Variants in CTNNA3 observed in about 807,000 individuals in gnomAD.
The protein encoded by CTNNA3 is catenin alpha-3.
In CTNNA3, 76 loss-of-function variants were observed where a neutral mutation model predicts 95.7. That is an observed-to-expected ratio of 0.79 (90% CI 0.66 to 0.96). CTNNA3 has a LOEUF of 0.96. Ranked by LOEUF, CTNNA3 falls within the 40% of genes least tolerant of loss-of-function variation. The pLI is 0.00. For synonymous variants in CTNNA3, 431 were observed against 374.4 expected (o/e 1.15, Z -1.74); for missense variants, 1,191 against 1,089.8 (o/e 1.09, Z -1.31).
intron 10 of CTNNA3, among the ~76,000 whole-genome samples, chr10:66,581,878 AATTTTTCTAGCACCCTTT>A (rs1322682301): frequency 6.6e-6 from 1 of 151,694 alleles, no homozygotes; most frequent in African/African-American, 2.4e-5. Flanking sequence ...GTGACTATGC[AATTTTTCTAGCACCCTTT>A]ATTGAACAGA....
At chr10:67,702,271 C>T (rs543039129) in intron 1 of CTNNA3, among the ~76,000 whole-genome samples, 2 of 151,890 alleles carry the variant, frequency 1.3e-5, no homozygotes, top group African/African-American at 2.4e-5. Flanking sequence ...CTGCACCAAG[C>T]GGACCTAATA....
At chr10:66,801,704 C>A (rs1396001096) in intron 7 of CTNNA3, among the ~76,000 whole-genome samples, 1 of 151,434 alleles carries the variant, frequency 6.6e-6, no homozygotes. Flanking sequence ...GGATTCATTA[C>A]AATCACAATT....
intron 10 of CTNNA3, among the ~76,000 whole-genome samples, chr10:66,594,370 T>G (rs1156746037): frequency 1.3e-5 from 2 of 152,286 alleles, no homozygotes; most frequent in East Asian, 3.9e-4. Context: ...TCTTGTACCC[T>G]TATAATCCAT....
chr10:66,340,650 A>G (rs963718273), intron 12 of CTNNA3, among the ~76,000 whole-genome samples: 1 of 151,802 alleles, frequency 6.6e-6, no homozygotes. Context: ...ATTTCAATAC[A>G]TGAAATATTA....
intron 12 of CTNNA3, among the ~76,000 whole-genome samples, chr10:66,346,364 C>T (rs934409203): frequency 2.7e-5 from 4 of 150,852 alleles, no homozygotes; most frequent in South Asian, 2.1e-4. Context: ...CTGCAACCCA[C>T]GCCTCCTGAG....
chr10:67,533,337 AG>A, intron 4 of CTNNA3, among the ~76,000 whole-genome samples: 1 of 151,986 alleles, frequency 6.6e-6, no homozygotes, highest in Non-Finnish European at 1.5e-5. Flanking sequence ...AAAAAAAAAA[AG>A]AAATCCATAT....
chr10:66,147,015 A>C (rs545803683), intron 13 of CTNNA3, among the ~76,000 whole-genome samples: 1 of 152,202 alleles, frequency 6.6e-6, no homozygotes, highest in African/African-American at 2.4e-5. Context: ...GAGGATATAA[A>C]CCTTCTAAAT....
In CTNNA3 at chr10:65,952,421, T is replaced by A. The variant is rs530855050; in HGVS notation, c.2400+14191A>T. Reference sequence around the variant, plus strand: ...TCTTCTTTCTTCTCTTTCCTTTTTCTTTCTTTTATTCCTCCTCTTCTTGCT... The same window carrying A: ...TCTTCTTTCTTCTCTTTCCTTTTTCATTCTTTTATTCCTCCTCTTCTTGCT... On this transcript the variant is annotated intron_variant, in intron 17 of 17. Coordinates refer to ENST00000433211, the MANE Select transcript of CTNNA3 (RefSeq NM_013266.4). Among the ~76,000 whole-genome samples, 9 of 152,330 alleles carry A rather than the reference T, an allele frequency of 5.9e-5. No individual in the cohort carries two copies. The South Asian group carries it at 1.9e-3, about 32-fold the overall frequency.
intron 9 of CTNNA3, among the ~76,000 whole-genome samples, chr10:66,747,904 G>T (rs910003717): frequency 6.6e-6 from 1 of 152,060 alleles, no homozygotes; most frequent in Non-Finnish European, 1.5e-5. Context: ...ATACAATTAC[G>T]TCCACAGTGA....
intron 13 of CTNNA3, among the ~76,000 whole-genome samples, chr10:66,224,433 T>C (rs2089152516): frequency 6.6e-6 from 1 of 152,208 alleles, no homozygotes; most frequent in African/African-American, 2.4e-5. Context: ...GAAGGCTTGG[T>C]ATTTAGAAAT....
At chr10:66,498,942 T>C (rs938810197) in intron 11 of CTNNA3, among the ~76,000 whole-genome samples, 1 of 152,208 alleles carries the variant, frequency 6.6e-6, no homozygotes, top group Non-Finnish European at 1.5e-5. Context: ...GTAAAAATCA[T>C]ATACAAGTTT....
At chr10:67,270,811 G>C (rs10997601) in intron 5 of CTNNA3, among the ~76,000 whole-genome samples, 1 of 151,970 alleles carries the variant, frequency 6.6e-6, no homozygotes, top group Non-Finnish European at 1.5e-5. Flanking sequence ...ACGCTAATTC[G>C]TAAAGAAGCC....
intron 7 of CTNNA3, among the ~76,000 whole-genome samples, chr10:67,008,884 A>G (rs542515407): frequency 6.6e-6 from 1 of 152,180 alleles, no homozygotes; most frequent in African/African-American, 2.4e-5. Flanking sequence ...ATGAGGGTTT[A>G]TACTATCTTG....
intron 7 of CTNNA3, among the ~76,000 whole-genome samples, chr10:67,073,056 C>A (rs1856552816): frequency 6.6e-6 from 1 of 152,182 alleles, no homozygotes; most frequent in Non-Finnish European, 1.5e-5. Context: ...CCAGTCCAGT[C>A]CTCAGACCAC....
chr10:66,018,786 T>C (rs542889154), intron 15 of CTNNA3, among the ~76,000 whole-genome samples: 1 of 152,234 alleles, frequency 6.6e-6, no homozygotes, highest in South Asian at 2.1e-4. Context: ...TTGTTAGATA[T>C]CATAATTTGA....
At chr10:66,601,430 A>T (rs1205220784) in intron 10 of CTNNA3, among the ~76,000 whole-genome samples, 1 of 151,964 alleles carries the variant, frequency 6.6e-6, no homozygotes, top group Non-Finnish European at 1.5e-5. Flanking sequence ...AAACTATGCA[A>T]TATCATATTG....
chr10:67,071,672 C>A (rs1236790084), intron 7 of CTNNA3, among the ~76,000 whole-genome samples: 1 of 152,044 alleles, frequency 6.6e-6, no homozygotes. Flanking sequence ...TTAGAAAATT[C>A]TTGGCCTTAA....
intron 6 of CTNNA3, among the ~76,000 whole-genome samples, chr10:67,207,569 A>G (rs1863958217): frequency 6.6e-6 from 1 of 152,184 alleles, no homozygotes; most frequent in Non-Finnish European, 1.5e-5. Context: ...CAGAAAAACT[A>G]GGCAAGTCTA....
intron 15 of CTNNA3, among the ~76,000 whole-genome samples, chr10:66,061,430 T>TTATGAG (rs542733305): frequency 1.2e-3 from 183 of 152,246 alleles, no homozygotes; most frequent in Non-Finnish European, 2.1e-3. Flanking sequence ...GCGCATCTAA[T>TTATGAG]TATGAGTCTC....
Sources: allele counts gnomAD v4.1 joint callset (sites outside exome capture counted in the v4.1 genomes callset), GRCh38; gene constraint gnomAD v4.1.1; transcripts MANE v1.5; gene names NCBI Gene and HGNC (gene_info 2026-07-23, HGNC 2026-07-21).